Variants in YY1 observed in about 807,000 individuals in gnomAD.
The protein encoded by YY1 is YY1 transcription factor.
YY1 carries 2 observed loss-of-function variants against 35.6 expected under a neutral mutation model. The ratio of observed to expected loss-of-function variants is 0.06; its 90% confidence interval spans 0.02 to 0.18. The LOEUF (loss-of-function observed/expected upper bound fraction) is 0.18. YY1 is among the 10% of genes least tolerant of loss of function. The probability of loss-of-function intolerance (pLI) is 1.00; values close to 1 mark genes in which losing one functional copy is unlikely to be tolerated. For synonymous variants in YY1, 268 were observed against 238.9 expected, an observed-to-expected ratio of 1.12 and a Z score of -1.12; for missense variants, 322 against 573.4, an observed-to-expected ratio of 0.56 and a Z score of 4.48.
At chr14:100,251,854 C>G (rs985187021) in intron 1 of YY1, among the ~76,000 whole-genome samples, 1 of 152,040 alleles carries the variant, frequency 6.6e-6, no homozygotes, top group Admixed American at 6.6e-5. Context: ...TCTCTAATTC[C>G]TGGCCTCAAG....
intron 1 of YY1, among the ~76,000 whole-genome samples, chr14:100,255,711 T>C (rs1566774107): frequency 6.6e-6 from 1 of 152,344 alleles, no homozygotes; most frequent in African/African-American, 2.4e-5. Context: ...TTTAAAATTA[T>C]GTACAGACCA....
At position 100,280,550 on chromosome 14, in the gene YY1, A is replaced by G. The variant is rs1411846941; in HGVS notation, c.*2950A>G. 6.6e-6 allele frequency: 1 copy of G among 152,086 alleles called. No individual in the cohort carries two copies. The highest frequency in any genetic ancestry group is 6.5e-5 in the Admixed American group (1 of 15,274). 9.4% of individuals were successfully genotyped at this position (152,086 alleles called of 1,614,324 possible). ...CCTGAACTCATGCTGTTGGTTTCATATGGTGTTTGTGTGCTTTGCCTAGAT... is the reference window on the plus strand; with the variant it reads ...CCTGAACTCATGCTGTTGGTTTCATGTGGTGTTTGTGTGCTTTGCCTAGAT... On this transcript the variant is annotated 3_prime_UTR_variant, in exon 5 of 5. Transcript: ENST00000262238.
At chr14:100,253,744 C>T (rs1890959577) in intron 1 of YY1, among the ~76,000 whole-genome samples, 2 of 152,106 alleles carry the variant, frequency 1.3e-5, no homozygotes, top group Admixed American at 6.5e-5. Context: ...ACCTCAGCCT[C>T]CCAAAGTACT....
rs540821739 is a variant in YY1 at position 100,259,439 on chromosome 14, G to C, written c.680-2865G>C. 2.0e-5 allele frequency among the ~76,000 whole-genome samples: 3 copies of C among 152,206 alleles called. No homozygotes were observed. In the East Asian group the frequency reaches 5.8e-4, roughly 29 times the overall value. ...GGAGGTGGAGGCAGGAGAATCACTT[G>C]AACCTGGGAGGCGGAGGTTGCAGTG... On this transcript the variant is annotated intron_variant, in intron 1 of 4. Transcript: ENST00000262238.
intron 1 of YY1, among the ~76,000 whole-genome samples, chr14:100,259,452 G>A (rs1268039994): frequency 7.2e-5 from 11 of 152,174 alleles, no homozygotes; most frequent in African/African-American, 1.7e-4. Context: ...CCTGGGAGGC[G>A]GAGGTTGCAG....
Position 100,276,354 on chromosome 14 carries a change from C to A in YY1, c.904-136C>A. 2 of 1,184,734 alleles carry A rather than the reference C, an allele frequency of 1.7e-6. No homozygotes were observed. The highest frequency in any genetic ancestry group is 1.2e-6 in the Non-Finnish European group (1 of 822,216). The allele number at this position is 1,184,734 out of a possible 1,614,324, so 73.4% of individuals were successfully genotyped here. On this transcript the variant is annotated intron_variant, in intron 3 of 4. Coordinates refer to ENST00000262238, the MANE Select transcript of YY1 (RefSeq NM_003403.5). The surrounding 1 kb of genome is among the most constrained non-coding windows in gnomAD (Gnocchi z 4.1). ...GTCTTAAATGATATTAATGTTCTAC[C>A]GTAATACTAAGTAAAATTAAAATGG...
intron 1 of YY1, among the ~76,000 whole-genome samples, chr14:100,241,992 A>AGGGGGGG (rs1566767455): frequency 1.0e-5 from 1 of 95,988 alleles, no homozygotes; most frequent in Non-Finnish European, 2.4e-5. Flanking sequence ...GGGGGGGGGC[A>AGGGGGGG]TTTTTTTTTG....
intron 1 of YY1, among the ~76,000 whole-genome samples, chr14:100,249,163 A>C (rs575819740): frequency 5.6e-4 from 63 of 113,102 alleles, no homozygotes; most frequent in African/African-American, 2.1e-3. Flanking sequence ...TCTGTTGCCC[A>C]GGCTGGAGTT....
chr14:100,246,986 C>T (rs1020787011), intron 1 of YY1, among the ~76,000 whole-genome samples: 3 of 152,174 alleles, frequency 2.0e-5, no homozygotes, highest in African/African-American at 7.2e-5. Flanking sequence ...GGTTATTAAC[C>T]TTGCCTTTTC....
rs572444521 is a variant in YY1, at chr14:100,240,384, G to GCGCCCCCGCCCC, written c.679+467_679+478dup. ...CCAGGGATTGCTGCCTCCGGGACGC[G>GCGCCCCCGCCCC]CGCCCCCGCCCCCGCCCGGCGCTGC... On this transcript the variant is annotated intron_variant, in intron 1 of 4. Coordinates refer to ENST00000262238, the MANE Select transcript of YY1 (RefSeq NM_003403.5). Among the ~76,000 whole-genome samples, 19 of 150,344 alleles carry GCGCCCCCGCCCC rather than the reference G, an allele frequency of 1.3e-4. 1 individual carries two copies. Among genetic ancestry groups the GCGCCCCCGCCCC allele is most frequent in the South Asian group, 6.2e-4 (3 of 4,806 alleles).
At chr14:100,262,727 ACAGT>A (rs1365473991) in intron 2 of YY1, among the ~76,000 whole-genome samples, 2 of 149,898 alleles carry the variant, frequency 1.3e-5, no homozygotes, top group African/African-American at 2.5e-5. Context: ...AGCAATTCTG[ACAGT>A]CAGTTTTATT....
intron 3 of YY1, among the ~76,000 whole-genome samples, chr14:100,275,178 A>G (rs1020165054): frequency 2.0e-5 from 3 of 152,208 alleles, no homozygotes; most frequent in Non-Finnish European, 4.4e-5. Flanking sequence ...GAGGCACTTA[A>G]TTGTTTTCAA....
intron 1 of YY1, among the ~76,000 whole-genome samples, chr14:100,248,933 CGCCTT>C (rs776024660): frequency 8.6e-5 from 13 of 151,784 alleles, no homozygotes; most frequent in Non-Finnish European, 1.6e-4. Flanking sequence ...ATGATCGGCC[CGCCTT>C]GGTCTCCCAA....
rs1566785203 is a variant in YY1 at position 100,281,562 on chromosome 14, G to T, written c.*3962G>T. ...TCCACCCGAACTTTTAACCCAAGCG[G>T]TGGGGAAGGAAGCCAAAACTCCAAG... On this transcript the variant is annotated 3_prime_UTR_variant, in exon 5 of 5. Transcript: ENST00000262238. The T allele has an allele frequency of 6.6e-6, 1 of 152,206 alleles. No homozygotes were observed. Among genetic ancestry groups the T allele is most frequent in the Non-Finnish European group, 1.5e-5 (1 of 68,052 alleles). The allele number at this position is 152,206 out of a possible 1,614,324, so 9.4% of individuals were successfully genotyped here. A position where few individuals can be genotyped will look rare whatever the true frequency, so the allele number is the denominator to read the frequency against.
rs1027448691 is a variant in YY1 at position 100,240,052 on chromosome 14, C to G, written c.679+129C>G. 3 of 796,184 alleles carry G rather than the reference C, an allele frequency of 3.8e-6. No homozygotes were observed. The African/African-American group carries it at 5.6e-5, about 15-fold the overall frequency. The allele number at this position is 796,184 out of a possible 1,614,324, so 49.3% of individuals were successfully genotyped here. A position where few individuals can be genotyped will look rare whatever the true frequency, so the allele number is the denominator to read the frequency against. ...TATGGCGGCCCCAAAAGATGGCGGG[C>G]CGTGCGGCGGCGGGGGCGCGGCGGC... On this transcript the variant is annotated intron_variant, in intron 1 of 4. Coordinates refer to ENST00000262238, the MANE Select transcript of YY1 (RefSeq NM_003403.5).
Position 100,271,048 on chromosome 14 carries a change from A to T in YY1, c.843-3650A>T, listed in dbSNP as rs547432873. Among the ~76,000 whole-genome samples, 109 of 152,192 alleles carry T rather than the reference A, an allele frequency of 7.2e-4. 1 individual carries two copies. The highest frequency in any genetic ancestry group is 1.5e-3 in the Non-Finnish European group (99 of 68,020). ...ATCACGAGGTCAGGAGATCGAGACCATCCTGGCTAACACGGTAAGAAACCC... is the reference window on the plus strand; with the variant it reads ...ATCACGAGGTCAGGAGATCGAGACCTTCCTGGCTAACACGGTAAGAAACCC... On this transcript the variant is annotated intron_variant, in intron 2 of 4. Coordinates refer to ENST00000262238, the MANE Select transcript of YY1 (RefSeq NM_003403.5).
intron 2 of YY1, among the ~76,000 whole-genome samples, chr14:100,269,604 A>C (rs138510331): frequency 4.6e-5 from 7 of 152,306 alleles, no homozygotes; most frequent in African/African-American, 1.4e-4. Context: ...TTTTAACCTA[A>C]GTATATTTTT....
At chr14:100,249,064 A>G (rs572917020) in intron 1 of YY1, among the ~76,000 whole-genome samples, 3 of 147,866 alleles carry the variant, frequency 2.0e-5, no homozygotes, top group Non-Finnish European at 4.5e-5. Context: ...TTAAAACAAT[A>G]TAAATGGTTG....
intron 2 of YY1, among the ~76,000 whole-genome samples, chr14:100,262,839 A>G (rs1566777028): frequency 6.6e-6 from 1 of 152,232 alleles, no homozygotes; most frequent in Non-Finnish European, 1.5e-5. Flanking sequence ...ATTTGAGTAA[A>G]TAAAATTGCA....
Sources: allele counts gnomAD v4.1 joint callset (sites outside exome capture counted in the v4.1 genomes callset), GRCh38; gene constraint gnomAD v4.1.1; non-coding constraint Gnocchi (gnomAD v3.1); transcripts MANE v1.5; gene names NCBI Gene and HGNC (gene_info 2026-07-23, HGNC 2026-07-21).